The following DNAH8 variants were observed in gnomAD, a reference collection of about 807,000 sequenced individuals.
The protein encoded by DNAH8 is axonemal beta dynein heavy chain 8.
Under a neutral mutation model 562.1 loss-of-function variants are expected in DNAH8, and 382 were observed. That is an observed-to-expected ratio of 0.68 (90% CI 0.63 to 0.74). DNAH8 has a LOEUF of 0.74. DNAH8 is among the 30% of genes least tolerant of loss of function. The probability of loss-of-function intolerance (pLI) is 0.00; values close to 1 mark genes in which losing one functional copy is unlikely to be tolerated. For synonymous variants in DNAH8, 1,881 were observed against 1,919.4 expected (o/e 0.98, Z 0.52); for missense variants, 5,203 against 5,620.4 (o/e 0.93, Z 2.37).
intron 65 of DNAH8, 112 bp from the exon 66 acceptor site, chr6:38,911,356 T>C (rs1780878638): frequency 1.2e-6 from 1 of 826,612 alleles, no homozygotes; most frequent in Non-Finnish European, 2.1e-6. Context: ...AGTCCTGTCT[T>C]CCTGCTAGTG....
chr6:38,737,400 G>T, intron 6 of DNAH8, 144 bp downstream of exon 6: 1 of 463,134 alleles, frequency 2.2e-6, no homozygotes, highest in Non-Finnish European at 3.5e-6. Flanking sequence ...GAAATCATTA[G>T]AACTCATTTT....
At chr6:38,753,663 A>C (rs1279919924) in intron 9 of DNAH8, among the ~76,000 whole-genome samples, 1 of 152,192 alleles carries the variant, frequency 6.6e-6, no homozygotes, top group East Asian at 1.9e-4. Context: ...TCCAAATTTT[A>C]AGGTATACTG....
chr6:38,803,857 C>G (rs1440117408), intron 22 of DNAH8, among the ~76,000 whole-genome samples: 1 of 151,510 alleles, frequency 6.6e-6, no homozygotes, highest in Non-Finnish European at 1.5e-5. Context: ...ATAAATGGTA[C>G]CCAGTTGAAG....
chr6:38,789,515 T>C (rs142805445), intron 18 of DNAH8, among the ~76,000 whole-genome samples: 1 of 152,066 alleles, frequency 6.6e-6, no homozygotes, highest in Non-Finnish European at 1.5e-5. Flanking sequence ...ATGACAGATA[T>C]CACAAAAAGA....
At chr6:38,776,048 C>T (rs1768033939) in intron 13 of DNAH8, 97 bp downstream of exon 13, 1 of 773,098 alleles carries the variant, frequency 1.3e-6, no homozygotes, top group African/African-American at 1.7e-5. Flanking sequence ...GTAAGTGTTT[C>T]TATATTTATG....
At chr6:38,904,731 G>A (rs1432286452) in intron 62 of DNAH8, among the ~76,000 whole-genome samples, 1 of 145,404 alleles carries the variant, frequency 6.9e-6, no homozygotes, top group Non-Finnish European at 1.5e-5. Context: ...GGTGGAGGTT[G>A]CAGTGAGCCG....
At chr6:38,896,682 A>G (rs1779718942) in intron 60 of DNAH8, among the ~76,000 whole-genome samples, 2 of 152,204 alleles carry the variant, frequency 1.3e-5, no homozygotes, top group African/African-American at 4.8e-5. Flanking sequence ...ACTATCCTCT[A>G]TACCTATACC....
intron 3 of DNAH8, among the ~76,000 whole-genome samples, chr6:38,728,858 G>C (rs999053069): frequency 5.3e-5 from 8 of 152,184 alleles, no homozygotes; most frequent in Non-Finnish European, 8.8e-5. Context: ...CACTGTCCTA[G>C]GAGGAGTGGC....
rs374073806 is a variant in DNAH8 at position 38,741,790 on chromosome 6, T to C, written c.1196T>C (p.Met399Thr). Residue 399 changes from methionine to threonine, a missense_variant, in exon 8 of 93, where the codon ATG becomes ACG. Around this residue, in one of 6 missense-constraint regions of DNAH8, gnomAD observed 556 missense variants for 496.9 expected, o/e 1.12. Coordinates refer to ENST00000327475, the MANE Select transcript of DNAH8 (RefSeq NM_001206927.2). ...ACTGAATTGGAACACTGGAAACGCATGTCAGCCAAGTTCAACTATATCATT... is the reference window on the plus strand; with the variant it reads ...ACTGAATTGGAACACTGGAAACGCACGTCAGCCAAGTTCAACTATATCATT... Reference protein sequence around the residue: ...PLTELEHWKRMSAKFNYIIEQ... With the variant: ...PLTELEHWKRTSAKFNYIIEQ... 29 of 1,614,028 alleles carry C rather than the reference T, an allele frequency of 1.8e-5. No individual in the cohort carries two copies. The highest frequency in any genetic ancestry group is 8.3e-5 in the Admixed American group (5 of 60,006).
intron 11 of DNAH8, among the ~76,000 whole-genome samples, chr6:38,767,413 G>A (rs998829028): frequency 2.0e-5 from 3 of 149,246 alleles, no homozygotes; most frequent in Non-Finnish European, 4.4e-5. Flanking sequence ...CTCCAGCCTG[G>A]GCAACAAGAA....
intron 9 of DNAH8, among the ~76,000 whole-genome samples, chr6:38,751,532 A>G (rs1004227657): frequency 1.3e-5 from 2 of 152,144 alleles, no homozygotes; most frequent in Admixed American, 6.5e-5. Flanking sequence ...AAAACTCATC[A>G]TGGTGAGGTG....
rs371238525 is a variant in DNAH8, at chr6:38,886,542, T to C, written c.8260-249T>C. Among the ~76,000 whole-genome samples, 5 of 152,334 alleles carry C rather than the reference T, an allele frequency of 3.3e-5. No individual in the cohort carries two copies. In the East Asian group the frequency reaches 9.6e-4, roughly 29 times the overall value. On this transcript the variant is annotated intron_variant, in intron 56 of 92. Coordinates refer to ENST00000327475, the MANE Select transcript of DNAH8 (RefSeq NM_001206927.2). Reference sequence around the variant, plus strand: ...ATCTTATAACTCACATATCTAAATTTATTTGGAAATTAGTTTGATCAATGT... The same window carrying C: ...ATCTTATAACTCACATATCTAAATTCATTTGGAAATTAGTTTGATCAATGT...
At chr6:38,789,710 A>T (rs1769516006) in intron 18 of DNAH8, 93 bp from the exon 19 acceptor site, 1 of 869,558 alleles carries the variant, frequency 1.2e-6, no homozygotes, top group Non-Finnish European at 1.8e-6. Flanking sequence ...CTACGAGGAA[A>T]CTGGGATTAT....
At chr6:38,850,743 C>G (rs1473002228) in intron 38 of DNAH8, among the ~76,000 whole-genome samples, 1 of 152,166 alleles carries the variant, frequency 6.6e-6, no homozygotes, top group Non-Finnish European at 1.5e-5. Flanking sequence ...AGAGGATCCT[C>G]CCTTGCCTCT....
At chr6:39,010,817 ACACGTATGTATGTATGTATG>A (rs59757860) in intron 89 of DNAH8, among the ~76,000 whole-genome samples, 16,236 of 128,864 alleles carry the variant, frequency 0.13, 1,069 homozygotes, top group Admixed American at 0.23. Flanking sequence ...ACACACACAC[ACACGTATGTATGTATGTATG>A]TATGTATGTA....
At chr6:38,738,079 C>T (rs982942172) in intron 7 of DNAH8, 107 bp downstream of exon 7, 79 of 1,182,288 alleles carry the variant, frequency 6.7e-5, no homozygotes, top group Admixed American at 3.3e-4. Flanking sequence ...CTTTGACTTT[C>T]TTCCAGAATC....
chr6:38,898,220 C>G, intron 60 of DNAH8, 38 bp from the exon 61 acceptor site: 5 of 1,547,398 alleles, frequency 3.2e-6, no homozygotes, highest in Non-Finnish European at 4.3e-6. Context: ...ATACTTGGAT[C>G]TTAAATATTA....
At chr6:38,816,412 G>T (rs1248825977) in intron 26 of DNAH8, among the ~76,000 whole-genome samples, 1 of 152,160 alleles carries the variant, frequency 6.6e-6, no homozygotes, top group Non-Finnish European at 1.5e-5. Context: ...CAAAGGACAT[G>T]AACTCATTCT....
At chr6:38,971,547 G>T in intron 82 of DNAH8, 45 bp from the exon 83 acceptor site, 4 of 1,195,762 alleles carry the variant, frequency 3.3e-6, no homozygotes, top group Non-Finnish European at 4.7e-6. Context: ...TAATCCTGCT[G>T]TAAGAGTTGT....
Sources: allele counts gnomAD v4.1 joint callset (sites outside exome capture counted in the v4.1 genomes callset), GRCh38; gene constraint gnomAD v4.1.1; regional missense constraint gnomAD v4.1.1; transcripts MANE v1.5; gene names NCBI Gene and HGNC (gene_info 2026-07-23, HGNC 2026-07-21).